Variants in ANXA8 observed in about 807,000 individuals in gnomAD.
ANXA8 encodes the protein annexin A8.
ANXA8 carries 9 observed loss-of-function variants against 26.8 expected under a neutral mutation model. That is an observed-to-expected ratio of 0.34 (90% CI 0.20 to 0.59). The LOEUF (loss-of-function observed/expected upper bound fraction) is 0.59, where lower values mean the gene tolerates loss of function less well. ANXA8 is among the 20% of genes least tolerant of loss of function. The pLI is 0.84. For missense variants in ANXA8, 83 were observed against 238.5 expected, an observed-to-expected ratio of 0.35 and a Z score of 4.29; for synonymous variants, 39 against 94.8, an observed-to-expected ratio of 0.41 and a Z score of 3.42.
chr10:47,525,384 C>T, the ANXA8 span, among the ~76,000 whole-genome samples: 1 of 143,292 alleles, frequency 7.0e-6, no homozygotes, highest in African/African-American at 2.6e-5. Context: ...CCTGCCTGGA[C>T]AACAGAGCAG....
chr10:47,655,370 T>C, the ANXA8 span, among the ~76,000 whole-genome samples: 1 of 151,494 alleles, frequency 6.6e-6, no homozygotes, highest in Non-Finnish European at 1.5e-5. Flanking sequence ...GATTTCCTCC[T>C]TCTCTCAGGG....
the ANXA8 span, among the ~76,000 whole-genome samples, chr10:47,500,442 G>A: frequency 6.6e-6 from 1 of 150,594 alleles, no homozygotes; most frequent in East Asian, 2.0e-4. Context: ...ACCATCGGCA[G>A]CTGCCTTCAT....
At chr10:47,673,782 A>T in the ANXA8 span, among the ~76,000 whole-genome samples, 1 of 151,366 alleles carries the variant, frequency 6.6e-6, no homozygotes, top group African/African-American at 2.4e-5. Flanking sequence ...TTTTTATTTA[A>T]TTTATTTATT....
the ANXA8 span, among the ~76,000 whole-genome samples, chr10:47,680,341 ACATC>A: frequency 6.6e-6 from 1 of 151,890 alleles, no homozygotes; most frequent in African/African-American, 2.4e-5. Context: ...ATGTATCAAA[ACATC>A]GAACTGTGGC....
the ANXA8 span, among the ~76,000 whole-genome samples, chr10:47,595,869 A>G: frequency 6.7e-6 from 1 of 148,296 alleles, no homozygotes; most frequent in Non-Finnish European, 1.5e-5. Context: ...AGAAATCTAA[A>G]CAAATAAATT....
the ANXA8 span, among the ~76,000 whole-genome samples, chr10:47,562,195 A>T: frequency 6.6e-6 from 1 of 151,736 alleles, no homozygotes; most frequent in Non-Finnish European, 1.5e-5. Context: ...CTCTTAAAAT[A>T]TTGTTAATAT....
the ANXA8 span, among the ~76,000 whole-genome samples, chr10:47,588,090 A>G: frequency 2.1e-5 from 3 of 144,550 alleles, 1 homozygote; most frequent in African/African-American, 8.7e-5. Context: ...CAGAATGGTG[A>G]CAATGGGAGA....
chr10:47,513,520 A>C, the ANXA8 span, among the ~76,000 whole-genome samples: 1 of 142,258 alleles, frequency 7.0e-6, no homozygotes, highest in Non-Finnish European at 1.5e-5. Context: ...CCTTCTTCAC[A>C]GAACTAGAAA....
the ANXA8 span, among the ~76,000 whole-genome samples, chr10:47,957,652 G>A: frequency 4.0e-5 from 6 of 149,128 alleles, 1 homozygote; most frequent in African/African-American, 1.0e-4. Flanking sequence ...ATTATCTCAC[G>A]GTTCTGGAAG....
the ANXA8 span, among the ~76,000 whole-genome samples, chr10:47,664,551 AGAGT>A: frequency 4.0e-5 from 6 of 150,656 alleles, no homozygotes; most frequent in Admixed American, 1.3e-4. Context: ...CTGGGCTACA[AGAGT>A]GAGACTCTGT....
chr10:47,937,126 C>A, the ANXA8 span, among the ~76,000 whole-genome samples: 1 of 149,894 alleles, frequency 6.7e-6, no homozygotes, highest in Admixed American at 6.7e-5. Context: ...CAGATCACCC[C>A]CTACAATGCA....
the ANXA8 span, among the ~76,000 whole-genome samples, chr10:47,695,900 T>C: frequency 2.0e-5 from 3 of 151,942 alleles, no homozygotes; most frequent in African/African-American, 7.2e-5. Flanking sequence ...TCCAAAGTCT[T>C]TCACTTTTAA....
the ANXA8 span, among the ~76,000 whole-genome samples, chr10:47,622,950 T>C: frequency 1.8e-5 from 2 of 113,318 alleles, no homozygotes; most frequent in Non-Finnish European, 3.9e-5. Flanking sequence ...CTTCTTTTCA[T>C]ATGTCATGAG....
At chr10:47,947,389 T>C in the ANXA8 span, among the ~76,000 whole-genome samples, 1 of 141,570 alleles carries the variant, frequency 7.1e-6, no homozygotes, top group African/African-American at 2.8e-5. Context: ...ACAAAGTTTA[T>C]GTGTTGGAAA....
At chr10:47,525,655 T>C in the ANXA8 span, among the ~76,000 whole-genome samples, 150 of 138,300 alleles carry the variant, frequency 1.1e-3, 16 homozygotes, top group African/African-American at 3.8e-3. Flanking sequence ...ATTATTATTA[T>C]TATTTTGAGA....
At chr10:47,506,793 C>G in the ANXA8 span, among the ~76,000 whole-genome samples, 3 of 143,674 alleles carry the variant, frequency 2.1e-5, no homozygotes, top group Non-Finnish European at 4.6e-5. Context: ...GTGCGTGCCA[C>G]CATGCCCAGC....
chr10:47,694,384 C>T, the ANXA8 span, among the ~76,000 whole-genome samples: 5 of 149,632 alleles, frequency 3.3e-5, no homozygotes, highest in African/African-American at 1.2e-4. Context: ...GTTCATACTA[C>T]CTATTGATAT....
the ANXA8 span, among the ~76,000 whole-genome samples, chr10:47,561,418 T>C: frequency 6.6e-6 from 1 of 151,742 alleles, no homozygotes; most frequent in African/African-American, 2.4e-5. Flanking sequence ...ATGTGTAATC[T>C]ATTATTATTT....
the ANXA8 span, among the ~76,000 whole-genome samples, chr10:47,645,683 A>G: frequency 1.3e-5 from 2 of 151,664 alleles, no homozygotes; most frequent in East Asian, 3.9e-4. Context: ...CACATGGCTG[A>G]TAAAACATTA....
Sources: gnomAD v4.1 joint callset for allele counts (sites outside exome capture counted in the v4.1 genomes callset) on GRCh38, gnomAD v4.1.1 for gene constraint, MANE v1.5 for transcripts, NCBI Gene and HGNC (gene_info 2026-07-23, HGNC 2026-07-21) for gene names.